Variants in SEC22A observed in about 807,000 individuals in gnomAD.
The protein encoded by SEC22A is SEC22 homolog A, vesicle trafficking protein.
Under a neutral mutation model 35.3 loss-of-function variants are expected in SEC22A, and 22 were observed. The ratio of observed to expected loss-of-function variants is 0.62; its 90% CI spans 0.45 to 0.89. The LOEUF (loss-of-function observed/expected upper bound fraction) is 0.89. SEC22A is among the 40% of genes least tolerant of loss of function. The pLI, the probability that SEC22A is intolerant of heterozygous loss-of-function variation, is 0.00. For missense variants in SEC22A, 354 were observed against 362.5 expected (o/e 0.98, Z 0.19); for synonymous variants, 119 against 129.5 (o/e 0.92, Z 0.55).
chr3:123,233,981 G>T (rs1937370941), intron 4 of SEC22A, among the ~76,000 whole-genome samples: 1 of 152,078 alleles, frequency 6.6e-6, no homozygotes, highest in Admixed American at 6.5e-5. Context: ...AACTATTTGA[G>T]AACTAATAAA....
intron 4 of SEC22A, among the ~76,000 whole-genome samples, chr3:123,228,185 TA>T (rs974112326): frequency 1.3e-5 from 2 of 151,528 alleles, no homozygotes; most frequent in African/African-American, 4.9e-5. Flanking sequence ...TCAGGGGTGG[TA>T]GGGGGAGAGT....
At position 123,219,895 on chromosome 3, in the gene SEC22A, A is replaced by G. The variant is rs79189505; in HGVS notation, c.183-3664A>G. ...AAAAAGCAGAATTTTTTTCATCACAAACATAAATGGAACTGTATATACTTT... is the reference window on the plus strand; with the variant it reads ...AAAAAGCAGAATTTTTTTCATCACAGACATAAATGGAACTGTATATACTTT... On this transcript the variant is annotated intron_variant, in intron 2 of 6. Coordinates refer to ENST00000492595, the MANE Select transcript of SEC22A (RefSeq NM_012430.5). Among the ~76,000 whole-genome samples, 11 of 152,310 alleles carry G rather than the reference A, an allele frequency of 7.2e-5. No homozygotes were observed. The East Asian group carries it at 1.9e-3, about 27-fold the overall frequency.
intron 4 of SEC22A, among the ~76,000 whole-genome samples, chr3:123,231,883 T>C (rs1319042650): frequency 6.6e-6 from 1 of 152,146 alleles, no homozygotes; most frequent in Non-Finnish European, 1.5e-5. Flanking sequence ...AACCAAAAGT[T>C]GGTTCTTTGA....
intron 4 of SEC22A, among the ~76,000 whole-genome samples, chr3:123,229,668 C>T: frequency 6.6e-6 from 1 of 152,024 alleles, no homozygotes; most frequent in East Asian, 1.9e-4. Context: ...TCAAGACCAG[C>T]CTGGCCAACA....
intron 6 of SEC22A, among the ~76,000 whole-genome samples, chr3:123,269,942 T>TG (rs1016506810): frequency 1.3e-5 from 2 of 151,476 alleles, no homozygotes; most frequent in African/African-American, 4.9e-5. Flanking sequence ...AAAAATTTTT[T>TG]TAAAAAAAGA....
intron 4 of SEC22A, among the ~76,000 whole-genome samples, chr3:123,236,418 G>T (rs1181558375): frequency 6.6e-6 from 1 of 152,096 alleles, no homozygotes; most frequent in Non-Finnish European, 1.5e-5. Flanking sequence ...GATCCAACAA[G>T]ATTACTAAGA....
intron 2 of SEC22A, among the ~76,000 whole-genome samples, chr3:123,216,427 C>G (rs1018966880): frequency 6.6e-6 from 1 of 152,206 alleles, no homozygotes; most frequent in Non-Finnish European, 1.5e-5. Flanking sequence ...CCATTGACTT[C>G]TTAAAATGAT....
chr3:123,251,552 A>G (rs981405627), intron 5 of SEC22A, among the ~76,000 whole-genome samples: 1 of 152,164 alleles, frequency 6.6e-6, no homozygotes, highest in Admixed American at 6.5e-5. Flanking sequence ...GAAGTATTCC[A>G]CATACACTCA....
chr3:123,271,670 T>C lies in SEC22A; in HGVS notation c.872T>C (p.Leu291Pro). The C allele has an allele frequency of 6.2e-7, 1 of 1,614,172 alleles. No homozygotes were observed. Among genetic ancestry groups the C allele is most frequent in the Non-Finnish European group, 8.5e-7 (1 of 1,180,020 alleles). The change falls in exon 7 of 7, where the codon CTA becomes CCA. Residue 291 changes from leucine (L) to proline (P), a missense_variant. Coordinates refer to ENST00000492595, the MANE Select transcript of SEC22A (RefSeq NM_012430.5). Reference protein sequence around the residue: ...FHVTVGAFVTLQIWLRQAQGK... With the variant: ...FHVTVGAFVTPQIWLRQAQGK... ...GTGACTGTGGGAGCATTTGTTACAC[T>C]ACAGATCTGGCTAAGGCAAGCCCAG... is the stretch of plus-strand genomic sequence containing the variant.
chr3:123,252,975 A>T (rs1937632528), intron 5 of SEC22A, among the ~76,000 whole-genome samples: 1 of 152,216 alleles, frequency 6.6e-6, no homozygotes, highest in South Asian at 2.1e-4. Flanking sequence ...TTGTGAATTG[A>T]TACCTTATGA....
At chr3:123,244,673 G>T (rs563129271) in intron 4 of SEC22A, among the ~76,000 whole-genome samples, 1 of 152,242 alleles carries the variant, frequency 6.6e-6, no homozygotes, top group Non-Finnish European at 1.5e-5. Flanking sequence ...TAACTGTTTA[G>T]GGAAGATGTT....
At chr3:123,205,809 T>A (rs1415328204) in intron 1 of SEC22A, among the ~76,000 whole-genome samples, 1 of 152,232 alleles carries the variant, frequency 6.6e-6, no homozygotes, top group African/African-American at 2.4e-5. Context: ...TCAACTGAGT[T>A]TCTCTAATTG....
At chr3:123,238,475 C>T (rs1299801114) in intron 4 of SEC22A, among the ~76,000 whole-genome samples, 4 of 152,178 alleles carry the variant, frequency 2.6e-5, no homozygotes, top group Non-Finnish European at 4.4e-5. Flanking sequence ...GGATTACAGA[C>T]GTGCGCCACC....
chr3:123,243,118 A>ACT (rs935974536), intron 4 of SEC22A, among the ~76,000 whole-genome samples: 15 of 151,980 alleles, frequency 9.9e-5, no homozygotes, highest in African/African-American at 3.6e-4. Context: ...AAACCAAACC[A>ACT]CTAGCAATGC....
At chr3:123,258,989 A>T (rs1186209084) in intron 5 of SEC22A, among the ~76,000 whole-genome samples, 1 of 152,202 alleles carries the variant, frequency 6.6e-6, no homozygotes, top group African/African-American at 2.4e-5. Context: ...ATAGCATGCA[A>T]GACTGATTAG....
At chr3:123,234,122 G>GA (rs1308956058) in intron 4 of SEC22A, among the ~76,000 whole-genome samples, 3 of 152,092 alleles carry the variant, frequency 2.0e-5, no homozygotes, top group African/African-American at 7.2e-5. Context: ...ATAATTGAAA[G>GA]AAACAACACC....
chr3:123,242,198 C>T (rs750775315), intron 4 of SEC22A, among the ~76,000 whole-genome samples: 1 of 152,108 alleles, frequency 6.6e-6, no homozygotes, highest in African/African-American at 2.4e-5. Flanking sequence ...CTTTGACGCT[C>T]ATTTAAACCT....
At chr3:123,223,029 T>TC (rs1350336541) in intron 2 of SEC22A, among the ~76,000 whole-genome samples, 1 of 152,116 alleles carries the variant, frequency 6.6e-6, no homozygotes, top group African/African-American at 2.4e-5. Flanking sequence ...ACTCATAAAT[T>TC]CCCCCCTCCC....
chr3:123,271,587 C>G lies in SEC22A; in HGVS notation c.789C>G (p.Ile263Met), dbSNP rs1262481244. 3 of 1,614,176 alleles carry G rather than the reference C, an allele frequency of 1.9e-6. No individual in the cohort carries two copies. The highest frequency in any genetic ancestry group is 2.5e-6 in the Non-Finnish European group (3 of 1,180,006). Residue 263 changes from isoleucine (I) to methionine (M), a missense_variant, in exon 7 of 7, where the codon ATC (isoleucine) becomes ATG (methionine). Coordinates refer to ENST00000492595, the MANE Select transcript of SEC22A (RefSeq NM_012430.5). ...NVKSFLTFGL[I>M]CLCNMYLYEL... ...AATCTTTTTTGACTTTTGGCTTAATCTGTCTATGCAACATGTATCTCTATG... is the reference window on the plus strand; with the variant it reads ...AATCTTTTTTGACTTTTGGCTTAATGTGTCTATGCAACATGTATCTCTATG...
Sources: allele counts gnomAD v4.1 joint callset (sites outside exome capture counted in the v4.1 genomes callset), GRCh38; gene constraint gnomAD v4.1.1; transcripts MANE v1.5; gene names NCBI Gene and HGNC (gene_info 2026-07-23, HGNC 2026-07-21).